The following DMRT1 variants were observed in gnomAD, a reference collection of about 807,000 sequenced individuals.
DMRT1 encodes doublesex and mab-3 related transcription factor 1.
Under a neutral mutation model 32.3 loss-of-function variants are expected in DMRT1, and 7 were observed. That is an observed-to-expected ratio of 0.22 (90% CI 0.12 to 0.41). The LOEUF (loss-of-function observed/expected upper bound fraction) is 0.41, where lower values mean the gene tolerates loss of function less well. Ranked by LOEUF, DMRT1 falls within the 10% of genes least tolerant of loss-of-function variation. The pLI, the probability that DMRT1 is intolerant of heterozygous loss-of-function variation, is 1.00. For synonymous variants in DMRT1, 278 were observed against 206.1 expected (o/e 1.35, Z -2.99); for missense variants, 625 against 500.5 (o/e 1.25, Z -2.37).
chr9:900,544 G>A (rs913609778), intron 3 of DMRT1, among the ~76,000 whole-genome samples: 2 of 152,048 alleles, frequency 1.3e-5, no homozygotes, highest in South Asian at 2.1e-4. Context: ...CAGTGAGGGT[G>A]GAGCCATGGG....
intron 2 of DMRT1, among the ~76,000 whole-genome samples, chr9:855,768 C>T (rs934641598): frequency 6.6e-6 from 1 of 152,192 alleles, no homozygotes; most frequent in Non-Finnish European, 1.5e-5. Flanking sequence ...CAGGCACGTG[C>T]CACCACTCCT....
chr9:930,992 A>T (rs867021347), intron 4 of DMRT1, among the ~76,000 whole-genome samples: 1 of 152,166 alleles, frequency 6.6e-6, no homozygotes. Flanking sequence ...CATCATCCCC[A>T]AAACAATCCC....
chr9:912,730 A>G lies in DMRT1; in HGVS notation c.823-4033A>G, dbSNP rs536998954. Among the ~76,000 whole-genome samples the G allele has an allele frequency of 4.6e-5, 7 of 151,992 alleles. No homozygotes were observed. The East Asian group carries it at 9.7e-4, about 21-fold the overall frequency. ...GGATTGTTGGGATCTCGTACTTCCA[A>G]GGTATATGGACGATATGTTGGTAAT... is the stretch of plus-strand genomic sequence containing the variant. On this transcript the variant is annotated intron_variant, in intron 3 of 4. Transcript: ENST00000382276.
chr9:878,208 C>CG (rs943231432), intron 2 of DMRT1, among the ~76,000 whole-genome samples: 6 of 124,788 alleles, frequency 4.8e-5, no homozygotes, highest in South Asian at 6.5e-4. Flanking sequence ...CTGCCCCCCC[C>CG]CCACCCAATA....
intron 2 of DMRT1, among the ~76,000 whole-genome samples, chr9:865,958 G>T (rs4498606): frequency 0.5 from 75,465 of 151,506 alleles, 19,141 homozygotes; most frequent in East Asian, 0.6. Context: ...AAGGTCAGGA[G>T]TTCGAGACCA....
intron 3 of DMRT1, among the ~76,000 whole-genome samples, chr9:897,348 C>T (rs1425857865): frequency 6.6e-6 from 1 of 151,766 alleles, no homozygotes; most frequent in Non-Finnish European, 1.5e-5. Context: ...AATCTCCTGA[C>T]CTCGTGATCC....
chr9:900,746 G>C (rs1362132601), intron 3 of DMRT1, among the ~76,000 whole-genome samples: 4 of 150,638 alleles, frequency 2.7e-5, no homozygotes, highest in Admixed American at 1.3e-4. Flanking sequence ...GTGCAGTAGT[G>C]CAATCGTAGC....
chr9:876,129 GT>G (rs1230392595), intron 2 of DMRT1, among the ~76,000 whole-genome samples: 2 of 152,308 alleles, frequency 1.3e-5, no homozygotes, highest in South Asian at 2.1e-4. Context: ...TGGGTGACAG[GT>G]CTTCTTACCT....
rs929598456 is a variant in DMRT1, at chr9:933,564, G to T, written c.967+16657G>T. Among the ~76,000 whole-genome samples the T allele has an allele frequency of 2.0e-5, 3 of 152,142 alleles. No individual in the cohort carries two copies. In the South Asian group the frequency reaches 6.2e-4, roughly 31 times the overall value. On this transcript the variant is annotated intron_variant, in intron 4 of 4. Coordinates refer to ENST00000382276, the MANE Select transcript of DMRT1 (RefSeq NM_021951.3). ...TTCCTGGGACACTTTTCAGCCTCAG[G>T]CTGTCAAACCAGCATTGAACCCTTG...
intron 2 of DMRT1, among the ~76,000 whole-genome samples, chr9:872,357 G>A (rs1045398983): frequency 8.5e-5 from 13 of 152,284 alleles, no homozygotes; most frequent in East Asian, 1.9e-4. Flanking sequence ...CAGTGCGCCC[G>A]GCCAAAACTC....
At chr9:852,545 A>G (rs1359489016) in intron 2 of DMRT1, among the ~76,000 whole-genome samples, 1 of 152,182 alleles carries the variant, frequency 6.6e-6, no homozygotes, top group Non-Finnish European at 1.5e-5. Context: ...TGTTTGACAC[A>G]GTACTTAATG....
chr9:960,871 AAGTGG>A (rs1819749609), intron 4 of DMRT1, among the ~76,000 whole-genome samples: 1 of 152,022 alleles, frequency 6.6e-6, no homozygotes, highest in South Asian at 2.1e-4. Flanking sequence ...TAGACAAGGG[AAGTGG>A]AGTGGGGGAG....
intron 2 of DMRT1, among the ~76,000 whole-genome samples, chr9:856,417 C>A (rs1815403887): frequency 6.6e-6 from 1 of 152,144 alleles, no homozygotes; most frequent in Non-Finnish European, 1.5e-5. Flanking sequence ...CAGCCCTAGG[C>A]AGACACTAAT....
intron 3 of DMRT1, among the ~76,000 whole-genome samples, chr9:909,670 A>G (rs148316168): frequency 1.4e-4 from 22 of 152,174 alleles, no homozygotes; most frequent in South Asian, 4.2e-4. Context: ...AGCTTTTGCC[A>G]TTTAAAAGAC....
At chr9:955,362 C>G (rs1819566170) in intron 4 of DMRT1, among the ~76,000 whole-genome samples, 1 of 152,066 alleles carries the variant, frequency 6.6e-6, no homozygotes, top group African/African-American at 2.4e-5. Context: ...TAGGTCATGA[C>G]TAAGGGAGAG....
intron 2 of DMRT1, among the ~76,000 whole-genome samples, chr9:857,869 A>G (rs1308495814): frequency 1.4e-5 from 2 of 144,450 alleles, no homozygotes; most frequent in Non-Finnish European, 3.0e-5. Context: ...GAGTGAGAAC[A>G]TGTGGTGGTT....
chr9:960,582 G>A (rs1414437376), intron 4 of DMRT1, among the ~76,000 whole-genome samples: 4 of 152,216 alleles, frequency 2.6e-5, no homozygotes, highest in Non-Finnish European at 5.9e-5. Flanking sequence ...GGAAACTGAG[G>A]CACAGGGTGT....
At chr9:862,997 C>G (rs1672436387) in intron 2 of DMRT1, among the ~76,000 whole-genome samples, 1 of 151,862 alleles carries the variant, frequency 6.6e-6, no homozygotes, top group South Asian at 2.1e-4. Context: ...CGGATGGGCA[C>G]AATCTAATGG....
At chr9:863,176 G>T (rs1380594350) in intron 2 of DMRT1, among the ~76,000 whole-genome samples, 3 of 138,066 alleles carry the variant, frequency 2.2e-5, no homozygotes, top group African/African-American at 8.0e-5. Context: ...AAATTAGCCA[G>T]GTGTGGGGGT....
Sources: allele counts gnomAD v4.1 joint callset (sites outside exome capture counted in the v4.1 genomes callset), GRCh38; gene constraint gnomAD v4.1.1; transcripts MANE v1.5; gene names NCBI Gene and HGNC (gene_info 2026-07-23, HGNC 2026-07-21).